Variants in NPSR1 observed in about 807,000 individuals in gnomAD.
NPSR1 encodes neuropeptide S receptor.
Under a neutral mutation model 46.9 loss-of-function variants are expected in NPSR1, and 48 were observed. The observed-to-expected ratio is 1.02, with a 90% CI of 0.81 to 1.30. The LOEUF (loss-of-function observed/expected upper bound fraction) is 1.30, where lower values mean the gene tolerates loss of function less well. Ranked by LOEUF, NPSR1 falls within the 50% of genes most tolerant of loss-of-function variation. The probability of loss-of-function intolerance (pLI) is 0.00; values close to 1 mark genes in which losing one functional copy is unlikely to be tolerated. For missense variants in NPSR1, 450 were observed against 449.5 expected, an observed-to-expected ratio of 1.00 and a Z score of -0.01; for synonymous variants, 176 against 168.1, an observed-to-expected ratio of 1.05 and a Z score of -0.36.
intron 2 of NPSR1, among the ~76,000 whole-genome samples, chr7:34,724,391 T>G (rs921279242): frequency 6.6e-6 from 1 of 152,202 alleles, no homozygotes; most frequent in African/African-American, 2.4e-5. Context: ...TAGCTTTACT[T>G]CCTGACATCT....
chr7:34,680,939 G>A lies in NPSR1; in HGVS notation c.148-3613G>A, dbSNP rs560577304. ...GGAAGGGCTTTCTGGTGTTGATAAA[G>A]GTTTTTTTTTTTTTTAATGATGTTG... On this transcript the variant is annotated intron_variant, in intron 1 of 8. Coordinates refer to ENST00000360581, the MANE Select transcript of NPSR1 (RefSeq NM_207172.2). Among the ~76,000 whole-genome samples the A allele has an allele frequency of 3.2e-3, 440 of 137,810 alleles. 6 individuals are homozygous for A. Among genetic ancestry groups the A allele is most frequent in the African/African-American group, 0.012 (409 of 34,892 alleles). 90.4% of individuals were successfully genotyped at this position (137,810 alleles called of 152,430 possible). A position where few individuals can be genotyped will look rare whatever the true frequency, so the allele number is the denominator to read the frequency against.
At chr7:34,847,966 G>A (rs1790798296) in intron 7 of NPSR1, among the ~76,000 whole-genome samples, 1 of 152,188 alleles carries the variant, frequency 6.6e-6, no homozygotes, top group Non-Finnish European at 1.5e-5. Context: ...GTTTTCTGGA[G>A]AGGCCAACTT....
chr7:34,760,579 A>G (rs1786123082), intron 2 of NPSR1, among the ~76,000 whole-genome samples: 1 of 152,200 alleles, frequency 6.6e-6, no homozygotes, highest in African/African-American at 2.4e-5. Flanking sequence ...ATAAGAAATG[A>G]AATAGAAAGG....
At chr7:34,751,723 G>T in intron 2 of NPSR1, 1 of 1,584,128 alleles carries the variant, frequency 6.3e-7, no homozygotes, top group Non-Finnish European at 8.7e-7. Flanking sequence ...AGACTCCTTC[G>T]GGTCCCCCTG....
intron 4 of NPSR1, among the ~76,000 whole-genome samples, chr7:34,823,539 A>T (rs1157600870): frequency 6.6e-6 from 1 of 152,150 alleles, no homozygotes; most frequent in Non-Finnish European, 1.5e-5. Context: ...AAAAGGAAGA[A>T]TTATCCAACT....
intron 2 of NPSR1, among the ~76,000 whole-genome samples, chr7:34,726,311 A>T (rs912095798): frequency 1.8e-4 from 28 of 152,230 alleles, no homozygotes; most frequent in African/African-American, 6.8e-4. Context: ...ACAATGACAT[A>T]GCACTACACA....
rs78384171 is a variant in NPSR1, at chr7:34,830,099, G to A, written c.680+2497G>A. Among the ~76,000 whole-genome samples the A allele has an allele frequency of 6.4e-4, 97 of 152,350 alleles. 1 individual carries two copies. The East Asian group carries it at 0.016, about 26-fold the overall frequency. On this transcript the variant is annotated intron_variant, in intron 5 of 8. Transcript: ENST00000360581. ...AAACAAGACCAGGCCCTGGGGGGGC[G>A]AGTTTTGTGAGGAACTTGTTTCCAA...
exon 9 of NPSR1, chr7:34,878,285 A>C: frequency 3.2e-6 from 2 of 622,278 alleles, no homozygotes; most frequent in Non-Finnish European, 5.9e-6. Flanking sequence ...GGGTCACAGC[A>C]GGATGGCCTG....
intron 1 of NPSR1, among the ~76,000 whole-genome samples, chr7:34,675,225 T>A (rs1220214093): frequency 2.0e-5 from 3 of 152,220 alleles, no homozygotes; most frequent in Non-Finnish European, 2.9e-5. Context: ...CAATCAAAAA[T>A]ATTTATTGTG....
chr7:34,805,840 A>G (rs1386773591), intron 3 of NPSR1, among the ~76,000 whole-genome samples: 1 of 152,096 alleles, frequency 6.6e-6, no homozygotes, highest in East Asian at 1.9e-4. Context: ...AAACTCAACA[A>G]TAAGAAAACA....
rs567892690 is a variant in NPSR1, at chr7:34,665,554, C to T, written c.147+6995C>T. On this transcript the variant is annotated intron_variant, in intron 1 of 8. Transcript: ENST00000360581. ...ACTCCTCTCTTCACATCCTGGACCACGTTGTACTGACTGTCTTACCATAGT... is the reference window on the plus strand; with the variant it reads ...ACTCCTCTCTTCACATCCTGGACCATGTTGTACTGACTGTCTTACCATAGT... Among the ~76,000 whole-genome samples, 14 of 152,296 alleles carry T rather than the reference C, an allele frequency of 9.2e-5. No individual in the cohort carries two copies. The East Asian group carries it at 1.3e-3, about 15-fold the overall frequency.
chr7:34,834,540 G>A, intron 6 of NPSR1, 80 bp downstream of exon 6: 1 of 982,102 alleles, frequency 1.0e-6, no homozygotes, highest in South Asian at 1.3e-5. Context: ...GTGAGCTAGG[G>A]ACTCCTTGAT....
At chr7:34,782,548 T>A (rs1038990612) in intron 3 of NPSR1, among the ~76,000 whole-genome samples, 1 of 152,140 alleles carries the variant, frequency 6.6e-6, no homozygotes, top group African/African-American at 2.4e-5. Context: ...CCATCACTGA[T>A]GCTACCCCAC....
chr7:34,750,156 A>C, intron 2 of NPSR1: 1 of 305,434 alleles, frequency 3.3e-6, no homozygotes, highest in Non-Finnish European at 6.1e-6. Context: ...AAAAGGAGAC[A>C]GGCAAATATT....
At chr7:34,820,681 A>G (rs1789510972) in intron 4 of NPSR1, among the ~76,000 whole-genome samples, 1 of 152,186 alleles carries the variant, frequency 6.6e-6, no homozygotes, top group Non-Finnish European at 1.5e-5. Flanking sequence ...AAACACATTT[A>G]AGAAATACAT....
At chr7:34,716,458 C>G (rs976497702) in intron 2 of NPSR1, among the ~76,000 whole-genome samples, 1 of 152,096 alleles carries the variant, frequency 6.6e-6, no homozygotes, top group African/African-American at 2.4e-5. Context: ...TGGTTCAAAT[C>G]CTCGTTCTCC....
intron 4 of NPSR1, among the ~76,000 whole-genome samples, chr7:34,824,513 C>T (rs1789730646): frequency 6.6e-6 from 1 of 152,196 alleles, no homozygotes; most frequent in Admixed American, 6.5e-5. Flanking sequence ...AGCTGCGTCA[C>T]AGCCTAAGAG....
chr7:34,702,553 G>A (rs770346162), intron 2 of NPSR1, among the ~76,000 whole-genome samples: 10 of 152,150 alleles, frequency 6.6e-5, no homozygotes, highest in Non-Finnish European at 1.0e-4. Context: ...GCTTCTTCCA[G>A]AGTGCTACGC....
At chr7:34,809,051 A>G (rs113414869) in intron 3 of NPSR1, among the ~76,000 whole-genome samples, 5 of 152,076 alleles carry the variant, frequency 3.3e-5, no homozygotes, top group African/African-American at 1.2e-4. Flanking sequence ...CCCTCAAGAC[A>G]GCCACAGAGC....
Sources: gnomAD v4.1 joint callset for allele counts (sites outside exome capture counted in the v4.1 genomes callset) on GRCh38, gnomAD v4.1.1 for gene constraint, MANE v1.5 for transcripts, NCBI Gene and HGNC (gene_info 2026-07-23, HGNC 2026-07-21) for gene names.